Variants in SORCS2 observed in about 807,000 individuals in gnomAD.
SORCS2 encodes the protein VPS10 domain-containing receptor SorCS2.
A neutral mutation model predicts 141.6 loss-of-function variants in SORCS2; 100 were observed. The observed-to-expected ratio is 0.71, with a 90% CI of 0.60 to 0.83. SORCS2 has a LOEUF of 0.83. Among genes scored for constraint, SORCS2 ranks in the 40% least tolerant of loss-of-function variants. The pLI, the probability that SORCS2 is intolerant of heterozygous loss-of-function variation, is 0.00. For synonymous variants in SORCS2, 789 were observed against 676.9 expected (o/e 1.17, Z -2.57); for missense variants, 1,646 against 1,560.2 (o/e 1.05, Z -0.93).
intron 14 of SORCS2, 118 bp downstream of exon 14, chr4:7,704,402 T>C (rs1295413397): frequency 3.4e-6 from 3 of 889,646 alleles, no homozygotes; most frequent in Non-Finnish European, 5.1e-6. Flanking sequence ...ATCTGCCACC[T>C]GCCCCAGGTC....
intron 3 of SORCS2, among the ~76,000 whole-genome samples, chr4:7,570,574 C>T (rs1715322208): frequency 6.6e-6 from 1 of 152,242 alleles, no homozygotes; most frequent in African/African-American, 2.4e-5. Context: ...TGTAGATCCG[C>T]CACCCTGCAT....
chr4:7,383,189 G>A (rs2109074168), intron 1 of SORCS2, among the ~76,000 whole-genome samples: 1 of 152,220 alleles, frequency 6.6e-6, no homozygotes, highest in South Asian at 2.1e-4. Context: ...GAGCTCAAGA[G>A]GGCTCTGTGT....
At chr4:7,556,724 C>A (rs1451200136) in intron 3 of SORCS2, among the ~76,000 whole-genome samples, 3 of 151,740 alleles carry the variant, frequency 2.0e-5, no homozygotes, top group Non-Finnish European at 4.4e-5. Context: ...TTCATCCACC[C>A]ACCCACCATC....
chr4:7,694,347 G>A (rs1163226863), intron 11 of SORCS2, among the ~76,000 whole-genome samples: 1 of 152,128 alleles, frequency 6.6e-6, no homozygotes, highest in Non-Finnish European at 1.5e-5. Flanking sequence ...CATAAAATGA[G>A]GGTGTCAGCC....
At chr4:7,469,516 A>G (rs1438656504) in intron 2 of SORCS2, among the ~76,000 whole-genome samples, 2 of 152,190 alleles carry the variant, frequency 1.3e-5, no homozygotes, top group Non-Finnish European at 2.9e-5. Flanking sequence ...CTCCAAAAGG[A>G]GCCCTGTTTA....
intron 1 of SORCS2, among the ~76,000 whole-genome samples, chr4:7,370,595 C>G (rs1376773772): frequency 6.6e-6 from 1 of 152,226 alleles, no homozygotes; most frequent in Non-Finnish European, 1.5e-5. Context: ...CAATGATCTT[C>G]CAAAGAGAAA....
chr4:7,292,385 C>T (rs897040136), intron 1 of SORCS2, among the ~76,000 whole-genome samples: 7 of 152,152 alleles, frequency 4.6e-5, no homozygotes, highest in Non-Finnish European at 7.3e-5. Context: ...ATTGAGTGCT[C>T]GGGAGATAAG....
At position 7,372,600 on chromosome 4, in the gene SORCS2, G is replaced by A. The variant is rs111529775; in HGVS notation, c.481-23688G>A. On this transcript the variant is annotated intron_variant, in intron 1 of 26. Transcript: ENST00000507866. ...TGGAATTACAGGCGTGAGCCACTGC[G>A]CCCAGCCTGAAATTCACTTTTTAAA... is the stretch of plus-strand genomic sequence containing the variant. 9.3e-3 allele frequency among the ~76,000 whole-genome samples: 1,409 copies of A among 152,278 alleles called. 22 individuals are homozygous for A. Among genetic ancestry groups the A allele is most frequent in the African/African-American group, 0.031 (1,307 of 41,550 alleles).
intron 3 of SORCS2, among the ~76,000 whole-genome samples, chr4:7,598,863 C>A (rs1717462131): frequency 6.6e-6 from 1 of 152,210 alleles, no homozygotes; most frequent in Non-Finnish European, 1.5e-5. Context: ...ATGCTGAGCT[C>A]TGTGTCCTAT....
intron 1 of SORCS2, among the ~76,000 whole-genome samples, chr4:7,256,225 A>G (rs2108813518): frequency 6.6e-6 from 1 of 152,258 alleles, no homozygotes; most frequent in Admixed American, 6.5e-5. Flanking sequence ...TGGTGAGCAC[A>G]TGCCCGCTCA....
intron 2 of SORCS2, among the ~76,000 whole-genome samples, chr4:7,424,053 CTT>C (rs1726264741): frequency 6.6e-6 from 1 of 152,196 alleles, no homozygotes; most frequent in East Asian, 1.9e-4. Flanking sequence ...GAGGATGCTG[CTT>C]ACCCAGCGGA....
intron 1 of SORCS2, among the ~76,000 whole-genome samples, chr4:7,387,643 A>ACG (rs1723494051): frequency 7.1e-6 from 1 of 140,802 alleles, no homozygotes; most frequent in Non-Finnish European, 1.5e-5. Context: ...ACGCACACAC[A>ACG]TGCCCACCAT....
At chr4:7,492,600 T>G (rs183579871) in intron 2 of SORCS2, among the ~76,000 whole-genome samples, 5 of 152,340 alleles carry the variant, frequency 3.3e-5, no homozygotes, top group African/African-American at 1.2e-4. Context: ...ATAGTTCTAT[T>G]TCTAATTTTG....
chr4:7,340,928 C>A (rs1312798386), intron 1 of SORCS2, among the ~76,000 whole-genome samples: 1 of 152,238 alleles, frequency 6.6e-6, no homozygotes, highest in East Asian at 1.9e-4. Context: ...CATCCCTGAG[C>A]CCCATCATTG....
chr4:7,412,286 G>A (rs1456674680), intron 2 of SORCS2, among the ~76,000 whole-genome samples: 3 of 152,206 alleles, frequency 2.0e-5, no homozygotes, highest in African/African-American at 4.8e-5. Flanking sequence ...ACCCCCTGGA[G>A]TTAGTTCTCA....
intron 1 of SORCS2, among the ~76,000 whole-genome samples, chr4:7,279,628 C>G (rs1393971183): frequency 6.6e-6 from 1 of 152,214 alleles, no homozygotes; most frequent in Admixed American, 6.5e-5. Context: ...AGGCATGGCG[C>G]AGGCCTTAGG....
intron 2 of SORCS2, among the ~76,000 whole-genome samples, chr4:7,476,798 G>A (rs1048420322): frequency 6.6e-6 from 1 of 152,114 alleles, no homozygotes; most frequent in Non-Finnish European, 1.5e-5. Context: ...TTTTCTCCAC[G>A]ACTCTGGTCA....
intron 3 of SORCS2, among the ~76,000 whole-genome samples, chr4:7,569,353 A>G (rs1020274890): frequency 6.6e-6 from 1 of 152,152 alleles, no homozygotes; most frequent in Non-Finnish European, 1.5e-5. Context: ...TCTACTAAAG[A>G]TACAAAAAAT....
At chr4:7,586,110 A>C (rs887963259) in intron 3 of SORCS2, among the ~76,000 whole-genome samples, 4 of 152,100 alleles carry the variant, frequency 2.6e-5, no homozygotes, top group Non-Finnish European at 4.4e-5. Flanking sequence ...ACTCTGTTCC[A>C]ATTGTTCTGG....
Sources: gnomAD v4.1 joint callset for allele counts (sites outside exome capture counted in the v4.1 genomes callset) on GRCh38, gnomAD v4.1.1 for gene constraint, MANE v1.5 for transcripts, NCBI Gene and HGNC (gene_info 2026-07-23, HGNC 2026-07-21) for gene names.